The following PCDH15 variants were observed in gnomAD, a reference collection of about 807,000 sequenced individuals.
PCDH15 encodes the protein protocadherin related 15.
PCDH15 carries 129 observed loss-of-function variants against 178.5 expected under a neutral mutation model. The observed-to-expected ratio is 0.72, with a 90% CI of 0.63 to 0.84. The LOEUF (loss-of-function observed/expected upper bound fraction) is 0.84, where lower values mean the gene tolerates loss of function less well. Among genes scored for constraint, PCDH15 ranks in the 40% least tolerant of loss-of-function variants. The probability of loss-of-function intolerance (pLI) is 0.00; values close to 1 mark genes in which losing one functional copy is unlikely to be tolerated. For synonymous variants in PCDH15, 800 were observed against 732.0 expected (o/e 1.09, Z -1.50); for missense variants, 2,230 against 2,099.9 (o/e 1.06, Z -1.21).
chr10:55,582,629 T>TATATATA (rs1491243304), intron 2 of PCDH15, among the ~76,000 whole-genome samples: 20 of 64,764 alleles, frequency 3.1e-4, no homozygotes, highest in African/African-American at 1.1e-3. Flanking sequence ...TATATATATA[T>TATATATA]TTTTTTTTTT....
intron 3 of PCDH15, among the ~76,000 whole-genome samples, chr10:54,849,258 A>G (rs1303921753): frequency 6.6e-6 from 1 of 152,130 alleles, no homozygotes; most frequent in Non-Finnish European, 1.5e-5. Context: ...AAATCCTCAC[A>G]AAACCTTTCT....
intron 3 of PCDH15, among the ~76,000 whole-genome samples, chr10:54,394,079 A>T (rs1950884387): frequency 6.6e-6 from 1 of 152,132 alleles, no homozygotes; most frequent in African/African-American, 2.4e-5. Flanking sequence ...AGAAAATGAA[A>T]ATATGACCAT....
chr10:55,148,546 C>T (rs1460486994), intron 2 of PCDH15, among the ~76,000 whole-genome samples: 1 of 151,728 alleles, frequency 6.6e-6, no homozygotes, highest in African/African-American at 2.4e-5. Flanking sequence ...TTGCAAGATC[C>T]ACCCCATGAT....
intron 17 of PCDH15, among the ~76,000 whole-genome samples, chr10:54,071,757 G>T (rs10825215): frequency 6.6e-6 from 1 of 151,848 alleles, no homozygotes; most frequent in Non-Finnish European, 1.5e-5. Flanking sequence ...ATTATCAGAG[G>T]TAAGGTAACA....
chr10:54,744,305 CAG>C (rs1430829539), intron 1 of PCDH15, among the ~76,000 whole-genome samples: 2 of 152,044 alleles, frequency 1.3e-5, no homozygotes, highest in African/African-American at 4.8e-5. Context: ...TATTCAGAAA[CAG>C]AGGATGCAAC....
At chr10:54,544,672 T>C (rs1381199968) in intron 2 of PCDH15, among the ~76,000 whole-genome samples, 4 of 152,200 alleles carry the variant, frequency 2.6e-5, no homozygotes, top group Non-Finnish European at 4.4e-5. Flanking sequence ...CTTTCCAAGC[T>C]ATATGATTTC....
In PCDH15 at chr10:55,552,996, A is replaced by C. The variant is rs146605290; in HGVS notation, c.-156+74629T>G. On this transcript the variant is annotated intron_variant, in intron 2 of 5. Coordinates refer to the PCDH15 transcript ENST00000613346. ...GCCCATTAGGGAAAGAAACAAAACA[A>C]AAAGATAAACAACAAAGTGAGATAC... 2.2e-4 allele frequency among the ~76,000 whole-genome samples: 33 copies of C among 151,818 alleles called. No individual in the cohort carries two copies. The East Asian group carries it at 4.2e-3, about 20-fold the overall frequency.
chr10:55,461,501 G>A (rs1315480372), intron 2 of PCDH15, among the ~76,000 whole-genome samples: 5 of 150,938 alleles, frequency 3.3e-5, no homozygotes, highest in East Asian at 4.0e-4. Context: ...AGGACATAGC[G>A]TGTTTTGACA....
At chr10:53,922,012 A>G (rs2084040353) in intron 25 of PCDH15, among the ~76,000 whole-genome samples, 1 of 152,046 alleles carries the variant, frequency 6.6e-6, no homozygotes, top group Middle Eastern at 3.4e-3. Flanking sequence ...TTTCTTTTTT[A>G]TAATCATGGA....
chr10:54,979,222 A>G (rs375839692), intron 2 of PCDH15, among the ~76,000 whole-genome samples: 1 of 152,300 alleles, frequency 6.6e-6, no homozygotes, highest in South Asian at 2.1e-4. Context: ...ACAATGCTAT[A>G]TGAGGAATGG....
At chr10:54,732,823 AACATACT>A (rs1255011247) in intron 1 of PCDH15, among the ~76,000 whole-genome samples, 1 of 151,562 alleles carries the variant, frequency 6.6e-6, no homozygotes, top group Non-Finnish European at 1.5e-5. Context: ...ATATATACAA[AACATACT>A]ACATCACAGT....
At chr10:54,927,103 G>T (rs961354014) in intron 2 of PCDH15, among the ~76,000 whole-genome samples, 2 of 151,978 alleles carry the variant, frequency 1.3e-5, no homozygotes, top group African/African-American at 4.8e-5. Context: ...TCTTAACACT[G>T]CCTTAGCTGT....
intron 7 of PCDH15, among the ~76,000 whole-genome samples, 161 bp downstream of exon 7, chr10:54,329,435 T>C (rs1188018389): frequency 6.6e-6 from 1 of 151,940 alleles, no homozygotes; most frequent in African/African-American, 2.4e-5. Flanking sequence ...ATTCTATCCC[T>C]TTCTCCATCT....
intron 2 of PCDH15, among the ~76,000 whole-genome samples, chr10:55,095,436 T>C (rs1292656140): frequency 1.3e-5 from 2 of 152,122 alleles, no homozygotes; most frequent in African/African-American, 2.4e-5. Context: ...AAATAAGTTA[T>C]ACAAATTTGT....
rs556778976 is a variant in PCDH15, at chr10:54,633,980, G to A, written c.91+30192C>T. On this transcript the variant is annotated intron_variant, in intron 2 of 37. Coordinates refer to ENST00000644397, the MANE Select transcript of PCDH15 (RefSeq NM_001384140.1). The stretch of plus-strand genomic sequence containing the variant: ...TTAGCTGATATGCCAAGATGCCCAT[G>A]CACCAGCCATGAATCTCCTTCTGGC... Among the ~76,000 whole-genome samples, 201 of 152,192 alleles carry A rather than the reference G, an allele frequency of 1.3e-3. 1 individual carries two copies. The highest frequency in any genetic ancestry group is 4.6e-3 in the African/African-American group (192 of 41,546).
chr10:53,992,279 G>A (rs936164559), intron 21 of PCDH15, among the ~76,000 whole-genome samples: 5 of 152,262 alleles, frequency 3.3e-5, no homozygotes, highest in African/African-American at 7.2e-5. Context: ...AACATCAGAA[G>A]GAACAAACTC....
At chr10:55,254,050 G>A (rs1358099424) in intron 1 of PCDH15, among the ~76,000 whole-genome samples, 1 of 152,110 alleles carries the variant, frequency 6.6e-6, no homozygotes, top group Non-Finnish European at 1.5e-5. Context: ...TTCTTTGAAA[G>A]CTACTTGATT....
chr10:53,854,445 T>C (rs1015542157), intron 28 of PCDH15, among the ~76,000 whole-genome samples: 2 of 152,058 alleles, frequency 1.3e-5, no homozygotes, highest in Non-Finnish European at 2.9e-5. Flanking sequence ...ATGGGGCATG[T>C]ATGTGCTGCT....
intron 3 of PCDH15, among the ~76,000 whole-genome samples, chr10:54,868,087 A>C: frequency 6.6e-6 from 1 of 152,320 alleles, no homozygotes; most frequent in Non-Finnish European, 1.5e-5. Flanking sequence ...AGTATATACA[A>C]ATTTTATTTG....
Sources: gnomAD v4.1 joint callset for allele counts (sites outside exome capture counted in the v4.1 genomes callset) on GRCh38, gnomAD v4.1.1 for gene constraint, MANE v1.5 for transcripts, NCBI Gene and HGNC (gene_info 2026-07-23, HGNC 2026-07-21) for gene names.